The following MYCBP2 variants were observed in gnomAD, a reference collection of about 807,000 sequenced individuals.
MYCBP2 encodes the protein E3 ubiquitin-protein ligase MYCBP2.
A neutral mutation model predicts 525.3 loss-of-function variants in MYCBP2; 120 were observed. That is an observed-to-expected ratio of 0.23 (90% CI 0.20 to 0.27). MYCBP2 has a LOEUF of 0.27. Ranked by LOEUF, MYCBP2 falls within the 10% of genes least tolerant of loss-of-function variation. MYCBP2 has a pLI of 1.00. For synonymous variants in MYCBP2, 1,894 were observed against 1,955.8 expected, an observed-to-expected ratio of 0.97 and a Z score of 0.83; for missense variants, 4,149 against 5,657.1, an observed-to-expected ratio of 0.73 and a Z score of 8.55.
At chr13:77,137,876 G>T (rs962509225) in intron 52 of MYCBP2, among the ~76,000 whole-genome samples, 2 of 151,774 alleles carry the variant, frequency 1.3e-5, no homozygotes, top group African/African-American at 4.8e-5. Flanking sequence ...GAGCCACCTC[G>T]CCTGGCTCTC....
rs2059430935 is a variant in MYCBP2 at position 77,174,558 on chromosome 13, A to G, written c.5473-69T>C. 6.6e-6 allele frequency: 8 copies of G among 1,219,258 alleles called. No homozygotes were observed. The South Asian group carries it at 1.2e-4, about 19-fold the overall frequency. The allele number at this position is 1,219,258 out of a possible 1,614,324, so 75.5% of individuals were successfully genotyped here. A position where few individuals can be genotyped will look rare whatever the true frequency, so the allele number is the denominator to read the frequency against. On this transcript the variant is annotated intron_variant, in intron 36 of 82. Transcript: ENST00000544440. ...GAGGATATATAAAAAGAACTCTAGC[A>G]GTAAAATAGGCAAATATACTGAAAT... is the stretch of plus-strand genomic sequence containing the variant.
intron 16 of MYCBP2, 59 bp from the exon 17 acceptor site, chr13:77,243,219 A>G: frequency 8.1e-7 from 1 of 1,231,694 alleles, no homozygotes; most frequent in Non-Finnish European, 1.2e-6. Flanking sequence ...AATAGCTATG[A>G]CAGAACTACA....
chr13:77,098,254 A>C lies in MYCBP2; in HGVS notation c.8900T>G (p.Val2967Gly), dbSNP rs779795548. 2 of 1,612,858 alleles carry C rather than the reference A, an allele frequency of 1.2e-6. No individual in the cohort carries two copies. The highest frequency in any genetic ancestry group is 1.7e-6 in the Non-Finnish European group (2 of 1,179,800). The change falls in exon 56 of 83, where the codon GTT becomes GGT. Residue 2967 changes from valine (V) to glycine (G), a missense_variant. This residue lies in a region of MYCBP2 where 653 missense variants were observed against 744.7 expected (regional missense o/e 0.88). Transcript: ENST00000544440. ...FKSVDEGSNK[V>G]HFSIGKAPLK... ...TGGTGCTTTTCCAATGCTAAAATGA[A>C]CTTTATTTGAACCTTCATCCACACT...
Position 77,273,599 on chromosome 13 carries a change from G to T in MYCBP2, c.818C>A (p.Ser273Tyr), listed in dbSNP as rs751856327. 7.4e-6 allele frequency: 12 copies of T among 1,612,472 alleles called. No homozygotes were observed. The highest frequency in any genetic ancestry group is 9.3e-6 in the Non-Finnish European group (11 of 1,179,572). ...GCAAGCACAGGAAAGTGCTGTTAAG[G>T]ACTGTCCTGTGCTGTCATTCATCCC... The part of the protein sequence containing the change: ...STGMNDSTGQ[S>Y]LTALSCACLF... Residue 273 changes from serine (S) to tyrosine (Y), a missense_variant, in exon 5 of 83, where the codon TCC becomes TAC. By Grantham distance (144) the Ser-to-Tyr change is moderately radical (BLOSUM62 -2). This residue lies in a region of MYCBP2 where 413 missense variants were observed against 451.2 expected (regional missense o/e 0.92). Coordinates refer to ENST00000544440, the MANE Select transcript of MYCBP2 (RefSeq NM_015057.5).
chr13:77,207,307 G>A (rs1005656589), intron 23 of MYCBP2, among the ~76,000 whole-genome samples: 2 of 152,190 alleles, frequency 1.3e-5, no homozygotes, highest in Non-Finnish European at 2.9e-5. Context: ...GGATGTGGAT[G>A]TTCAACCATA....
rs755198551 is a variant in MYCBP2, at chr13:77,083,073, C to T, written c.10995G>A (p.Met3665Ile). Residue 3665 changes from methionine to isoleucine, a missense_variant, in exon 63 of 83, where the codon ATG (methionine) becomes ATA (isoleucine). This residue lies in a region of MYCBP2 where 509 missense variants were observed against 789.4 expected (regional missense o/e 0.64). Transcript: ENST00000544440. ...RLLQTISDLM[M>I]SLPSGSSLQQ... ...GTAATGAACTGCCGCTGGGGAGAGACATCATAAGGTCTGAGATGGTCTGCA... is the reference window on the plus strand; with the variant it reads ...GTAATGAACTGCCGCTGGGGAGAGATATCATAAGGTCTGAGATGGTCTGCA... 6.2e-7 allele frequency: 1 copy of T among 1,613,356 alleles called. No homozygotes were observed. Among genetic ancestry groups the T allele is most frequent in the Non-Finnish European group, 8.5e-7 (1 of 1,179,570 alleles).
At chr13:77,142,516 C>A (rs1208451329) in intron 49 of MYCBP2, among the ~76,000 whole-genome samples, 1 of 152,162 alleles carries the variant, frequency 6.6e-6, no homozygotes, top group African/African-American at 2.4e-5. Flanking sequence ...ACTGCCAAAG[C>A]AAACTACTTA....
Position 77,089,022 on chromosome 13 carries a change from G to A in MYCBP2, c.10535C>T (p.Ser3512Phe), listed in dbSNP as rs1179410593. 1 of 1,608,602 alleles carries A rather than the reference G, an allele frequency of 6.2e-7. No homozygotes were observed. Among genetic ancestry groups the A allele is most frequent in the East Asian group, 2.2e-5 (1 of 44,758 alleles). The change falls in exon 61 of 83, where the codon TCT (serine) becomes TTT (phenylalanine). Residue 3512 changes from serine to phenylalanine, a missense_variant. Physicochemically the swap from Ser to Phe is radical, Grantham distance 155 (BLOSUM62 -2). Around this residue, in one of 21 missense-constraint regions of MYCBP2, gnomAD observed 509 missense variants for 789.4 expected, o/e 0.64. Coordinates refer to ENST00000544440, the MANE Select transcript of MYCBP2 (RefSeq NM_015057.5). ...AGGAGACGGATGTCTCAAAAGGGAA[G>A]AACCAACTTCTATTAAAGAAAAAGA... is the stretch of plus-strand genomic sequence containing the variant. ...RVNSGDTEVG[S>F]SLLRHPSPEL...
intron 2 of MYCBP2, among the ~76,000 whole-genome samples, chr13:77,294,707 T>C (rs1479246910): frequency 6.6e-6 from 1 of 152,240 alleles, no homozygotes; most frequent in Non-Finnish European, 1.5e-5. Flanking sequence ...ACTGTATTTG[T>C]TAGAGGTTTT....
At chr13:77,201,114 CAA>C (rs1213630334) in intron 26 of MYCBP2, among the ~76,000 whole-genome samples, 1 of 152,138 alleles carries the variant, frequency 6.6e-6, no homozygotes, top group Admixed American at 6.5e-5. Flanking sequence ...GGTAAAGAGT[CAA>C]GACCCATCAG....
intron 81 of MYCBP2, 107 bp downstream of exon 81, chr13:77,051,704 A>AATATTG: frequency 2.7e-6 from 2 of 729,914 alleles, no homozygotes; most frequent in Non-Finnish European, 4.5e-6. Flanking sequence ...AATATCAGAA[A>AATATTG]ATACTGAGGA....
chr13:77,047,391 C>T (rs558423052), intron 82 of MYCBP2, among the ~76,000 whole-genome samples: 118 of 152,066 alleles, frequency 7.8e-4, no homozygotes, highest in African/African-American at 2.7e-3. Flanking sequence ...TATCCTGGCA[C>T]GAGAAGGTAG....
chr13:77,286,446 A>C (rs2076766213), intron 3 of MYCBP2, among the ~76,000 whole-genome samples: 1 of 152,014 alleles, frequency 6.6e-6, no homozygotes, highest in Non-Finnish European at 1.5e-5. Context: ...AACTATATCT[A>C]CTATATAGAA....
rs180961554 is a variant in MYCBP2 at position 77,294,687 on chromosome 13, G to T, written c.378+1912C>A. 2.6e-5 allele frequency among the ~76,000 whole-genome samples: 4 copies of T among 152,276 alleles called. No individual in the cohort carries two copies. In the East Asian group the frequency reaches 7.7e-4, roughly 29 times the overall value. Reference sequence around the variant, plus strand: ...CACCAAAAAGTTGAAAAGGGATAGAGGTTGGAATGACTGTATTTGTTAGAG... The same window carrying T: ...CACCAAAAAGTTGAAAAGGGATAGATGTTGGAATGACTGTATTTGTTAGAG... On this transcript the variant is annotated intron_variant, in intron 2 of 82. Coordinates refer to ENST00000544440, the MANE Select transcript of MYCBP2 (RefSeq NM_015057.5).
In MYCBP2 at chr13:77,165,388, T is replaced by C. The variant is rs781065917; in HGVS notation, c.6344A>G (p.Asn2115Ser). The C allele has an allele frequency of 1.3e-6, 2 of 1,584,670 alleles. No individual in the cohort carries two copies. Among genetic ancestry groups the C allele is most frequent in the South Asian group, 2.4e-5 (2 of 85,096 alleles). ...AGTCTCCAATGAAAAAAGGGCCTCA[T>C]TTCCTAATAAAAATGCCAGAATTGA... Reference protein sequence around the residue: ...WPTMVLVLPGNEALFSLETAS... With the variant: ...WPTMVLVLPGSEALFSLETAS... Residue 2115 changes from asparagine (N) to serine (S), a missense_variant, in exon 42 of 83, where the codon AAT (asparagine) becomes AGT (serine). Around this residue, in one of 21 missense-constraint regions of MYCBP2, gnomAD observed 692 missense variants for 852.7 expected, o/e 0.81. Coordinates refer to ENST00000544440, the MANE Select transcript of MYCBP2 (RefSeq NM_015057.5).
chr13:77,278,873 G>T lies in MYCBP2; in HGVS notation c.633C>A (p.Ile211=). The change falls in exon 4 of 83, where the codon ATC becomes ATA. Residue 211 remains isoleucine (I), a synonymous_variant. Transcript: ENST00000544440. The stretch of plus-strand genomic sequence containing the variant: ...ATGGATGAGAAAATCGTGTCTCTTT[G>T]ATCAATTCAAAAACTTCACAAAGGC... ...EVGLCEVFEL[I]KETRFSHPSL... The T allele has an allele frequency of 6.3e-7, 1 of 1,594,934 alleles. No homozygotes were observed. The highest frequency in any genetic ancestry group is 1.1e-5 in the South Asian group (1 of 88,070).
At chr13:77,052,979 A>G (rs180699002) in intron 80 of MYCBP2, among the ~76,000 whole-genome samples, 1 of 152,034 alleles carries the variant, frequency 6.6e-6, no homozygotes, top group East Asian at 1.9e-4. Context: ...AATACAAACA[A>G]ACACAGAAAT....
rs1186013384 is a variant in MYCBP2, at chr13:77,062,663, T to A, written c.12707A>T (p.Asp4236Val). 1 of 1,614,188 alleles carries A rather than the reference T, an allele frequency of 6.2e-7. No individual in the cohort carries two copies. The highest frequency in any genetic ancestry group is 8.5e-7 in the Non-Finnish European group (1 of 1,180,026). ...GGAGAGACGATCTACGTGGTCCTGA[T>A]CAAGAACACATAGGGATGCGAGAGC... Reference protein sequence around the residue: ...WLALASLCVLDQDHVDRLSSG... With the variant: ...WLALASLCVLVQDHVDRLSSG... Residue 4236 changes from aspartate to valine, a missense_variant, in exon 74 of 83, where the codon GAT (aspartate) becomes GTT (valine). By Grantham distance (152) the Asp-to-Val change is radical (BLOSUM62 -3). Transcript: ENST00000544440.
At chr13:77,111,852 T>C (rs1164545250) in intron 55 of MYCBP2, among the ~76,000 whole-genome samples, 3 of 152,120 alleles carry the variant, frequency 2.0e-5, no homozygotes, top group African/African-American at 4.8e-5. Flanking sequence ...ATTTCCTCCA[T>C]GTGCTCCCTC....
Sources: gnomAD v4.1 joint callset for allele counts (sites outside exome capture counted in the v4.1 genomes callset) on GRCh38, gnomAD v4.1.1 for gene constraint, gnomAD v4.1.1 regional missense constraint, MANE v1.5 for transcripts, NCBI Gene and HGNC (gene_info 2026-07-23, HGNC 2026-07-21) for gene names.